Variants in PDGFD observed in about 807,000 individuals in gnomAD.
The protein encoded by PDGFD is platelet-derived growth factor D.
PDGFD carries 30 observed loss-of-function variants against 44.7 expected under a neutral mutation model. The observed-to-expected ratio is 0.67, with a 90% CI of 0.50 to 0.91. PDGFD has a LOEUF of 0.91. Ranked by LOEUF, PDGFD falls within the 40% of genes least tolerant of loss-of-function variation. The probability of loss-of-function intolerance (pLI) is 0.00; values close to 1 mark genes in which losing one functional copy is unlikely to be tolerated. For missense variants in PDGFD, 445 were observed against 457.8 expected (o/e 0.97, Z 0.25); for synonymous variants, 173 against 168.4 (o/e 1.03, Z -0.21).
intron 1 of PDGFD, among the ~76,000 whole-genome samples, chr11:104,140,361 T>C (rs1014328861): frequency 6.6e-6 from 1 of 152,060 alleles, no homozygotes; most frequent in African/African-American, 2.4e-5. Flanking sequence ...CACATAAACA[T>C]TCCAGCAGAG....
chr11:104,026,775 G>A (rs1306957216), intron 1 of PDGFD, among the ~76,000 whole-genome samples: 1 of 152,104 alleles, frequency 6.6e-6, no homozygotes, highest in Non-Finnish European at 1.5e-5. Context: ...TGGGGATTTG[G>A]TTTTTTAAAA....
At chr11:104,125,590 A>C (rs1042423218) in intron 1 of PDGFD, among the ~76,000 whole-genome samples, 5 of 152,146 alleles carry the variant, frequency 3.3e-5, no homozygotes, top group Admixed American at 6.6e-5. Flanking sequence ...ACTCAGACCT[A>C]GGTTCAAATA....
At chr11:103,975,367 G>A (rs556798005) in intron 3 of PDGFD, among the ~76,000 whole-genome samples, 3 of 152,074 alleles carry the variant, frequency 2.0e-5, no homozygotes, top group Non-Finnish European at 2.9e-5. Flanking sequence ...ATTTGTTTAA[G>A]TTCCTTGTAG....
Position 104,164,102 on chromosome 11 carries a change from G to A in PDGFD, c.-175C>T. The A allele has an allele frequency of 1.8e-6, 1 of 541,862 alleles. No homozygotes were observed. The highest frequency in any genetic ancestry group is 3.1e-6 in the Non-Finnish European group (1 of 324,562). 33.6% of individuals were successfully genotyped at this position (541,862 alleles called of 1,614,324 possible). On this transcript the variant is annotated 5_prime_UTR_variant, in exon 1 of 7. Transcript: ENST00000393158. Reference sequence around the variant, plus strand: ...TTCCTGCATGCTGAACTTTCCGAGCGCGTGTGGGTGCCGCACTTCCTTGTG... The same window carrying A: ...TTCCTGCATGCTGAACTTTCCGAGCACGTGTGGGTGCCGCACTTCCTTGTG...
chr11:104,128,325 A>G (rs1861868620), intron 1 of PDGFD, among the ~76,000 whole-genome samples: 1 of 152,168 alleles, frequency 6.6e-6, no homozygotes, highest in African/African-American at 2.4e-5. Flanking sequence ...AATCTATCAA[A>G]AATGCTGCAT....
At chr11:104,002,823 T>A (rs1207244522) in intron 1 of PDGFD, among the ~76,000 whole-genome samples, 4 of 152,220 alleles carry the variant, frequency 2.6e-5, no homozygotes, top group Non-Finnish European at 4.4e-5. Context: ...AGCAAATTTA[T>A]TCTAAAATAA....
At position 104,132,079 on chromosome 11, in the gene PDGFD, G is replaced by A. The variant is rs535969524; in HGVS notation, c.124+31725C>T. On this transcript the variant is annotated intron_variant, in intron 1 of 6. Transcript: ENST00000393158. ...ACATGGTGAGCATGCCAAAAAACAG[G>A]TAAGTATCAGAAATTCAGATAGTGT... is the stretch of plus-strand genomic sequence containing the variant. Among the ~76,000 whole-genome samples, 4 of 152,038 alleles carry A rather than the reference G, an allele frequency of 2.6e-5. No individual in the cohort carries two copies. The East Asian group carries it at 7.7e-4, about 29-fold the overall frequency.
At chr11:104,058,445 A>G (rs1860657190) in intron 1 of PDGFD, among the ~76,000 whole-genome samples, 1 of 152,238 alleles carries the variant, frequency 6.6e-6, no homozygotes, top group South Asian at 2.1e-4. Context: ...CCATAATGAT[A>G]TATCAAAACA....
intron 1 of PDGFD, chr11:104,038,099 T>G (rs1565317757): frequency 7.4e-7 from 1 of 1,344,738 alleles, no homozygotes; most frequent in Non-Finnish European, 1.0e-6. Context: ...ATGTAATCAT[T>G]AAAAAACATC....
chr11:103,949,602 C>T (rs1300805755), intron 3 of PDGFD, among the ~76,000 whole-genome samples: 2 of 152,202 alleles, frequency 1.3e-5, no homozygotes, highest in African/African-American at 4.8e-5. Context: ...TTCATTTTCC[C>T]TTGTTCATTC....
At chr11:104,110,934 C>T (rs1172810245) in intron 1 of PDGFD, among the ~76,000 whole-genome samples, 2 of 152,128 alleles carry the variant, frequency 1.3e-5, no homozygotes, top group Non-Finnish European at 2.9e-5. Context: ...TTAATCATTA[C>T]ATATGTTACC....
chr11:103,918,389 G>A (rs1858159743), intron 6 of PDGFD, among the ~76,000 whole-genome samples: 1 of 152,216 alleles, frequency 6.6e-6, no homozygotes. Flanking sequence ...GCAGGAGAGG[G>A]AAATTATTTC....
chr11:104,133,833 T>C (rs1217112712), intron 1 of PDGFD, among the ~76,000 whole-genome samples: 1 of 152,188 alleles, frequency 6.6e-6, no homozygotes, highest in African/African-American at 2.4e-5. Flanking sequence ...CGTGCTATTA[T>C]GTGGCAGAGC....
At chr11:104,024,196 A>G (rs1475554113) in intron 1 of PDGFD, among the ~76,000 whole-genome samples, 1 of 152,152 alleles carries the variant, frequency 6.6e-6, no homozygotes, top group African/African-American at 2.4e-5. Context: ...TTATAAATTA[A>G]GATAAAATAG....
At chr11:103,996,031 T>C in intron 3 of PDGFD, 34 bp downstream of exon 3, 4 of 1,565,062 alleles carry the variant, frequency 2.6e-6, no homozygotes, top group Non-Finnish European at 3.5e-6. Context: ...GAAACCAGTG[T>C]CTGCTTTTAA....
chr11:103,986,095 G>T, intron 3 of PDGFD, among the ~76,000 whole-genome samples: 1 of 152,206 alleles, frequency 6.6e-6, no homozygotes, highest in East Asian at 1.9e-4. Context: ...GCACAATCTT[G>T]AGTGGAGGTT....
chr11:104,087,063 G>C (rs1284215348), intron 1 of PDGFD, among the ~76,000 whole-genome samples: 1 of 120,462 alleles, frequency 8.3e-6, no homozygotes, highest in Non-Finnish European at 1.7e-5. Flanking sequence ...GTCTAGCTCT[G>C]TTGCCAGGCT....
At chr11:104,093,820 T>C (rs1324813960) in intron 1 of PDGFD, among the ~76,000 whole-genome samples, 1 of 150,666 alleles carries the variant, frequency 6.6e-6, no homozygotes, top group Non-Finnish European at 1.5e-5. Context: ...ATCCCACTCT[T>C]TGGCTTTGCA....
chr11:103,910,574 C>A (rs899849056), intron 6 of PDGFD, among the ~76,000 whole-genome samples: 1 of 152,236 alleles, frequency 6.6e-6, no homozygotes, highest in African/African-American at 2.4e-5. Flanking sequence ...AGTCCAGATA[C>A]TGCACTTTTC....
Sources: allele counts gnomAD v4.1 joint callset (sites outside exome capture counted in the v4.1 genomes callset), GRCh38; gene constraint gnomAD v4.1.1; transcripts MANE v1.5; gene names NCBI Gene and HGNC (gene_info 2026-07-23, HGNC 2026-07-21).